Variants in SAFB observed in about 807,000 individuals in gnomAD.
SAFB encodes the protein scaffold attachment factor B.
In SAFB, 15 loss-of-function variants were observed where a neutral mutation model predicts 101.6. The observed-to-expected ratio is 0.15, with a 90% CI of 0.10 to 0.23. SAFB has a LOEUF of 0.23. Among genes scored for constraint, SAFB ranks in the 10% least tolerant of loss-of-function variants. SAFB has a pLI of 1.00. For missense variants in SAFB, 930 were observed against 1,104.1 expected, an observed-to-expected ratio of 0.84 and a Z score of 2.23; for synonymous variants, 449 against 407.5, an observed-to-expected ratio of 1.10 and a Z score of -1.23.
At chr19:5,646,879 C>T (rs768985069) in intron 5 of SAFB, among the ~76,000 whole-genome samples, 2 of 152,212 alleles carry the variant, frequency 1.3e-5, no homozygotes, top group Non-Finnish European at 2.9e-5. Context: ...CACTCATACA[C>T]GGCCTTTGCT....
intron 17 of SAFB, chr19:5,666,148 A>G (rs768578281): frequency 4.6e-5 from 7 of 152,214 alleles, no homozygotes; most frequent in African/African-American, 7.2e-5. Context: ...CAGAGACCAC[A>G]TATGTATTGG....
At position 5,667,503 on chromosome 19, in the gene SAFB, ATG is replaced by A. The variant is rs1172840291; in HGVS notation, c.2557+54_2557+55del. 7.8e-7 allele frequency: 1 copy of A among 1,277,308 alleles called. No homozygotes were observed. The highest frequency in any genetic ancestry group is 1.5e-5 in the African/African-American group (1 of 65,784). 79.1% of individuals were successfully genotyped at this position (1,277,308 alleles called of 1,614,324 possible). Reference sequence around the variant, plus strand: ...GGATGTGCTGGGGAGTGATGGAAAGATGGAGGCCGCGCCTTCTCTCCTTGGGG... The same window carrying A: ...GGATGTGCTGGGGAGTGATGGAAAGAGAGGCCGCGCCTTCTCTCCTTGGGG... On this transcript the variant is annotated intron_variant, in intron 19 of 20. Coordinates refer to ENST00000588852, the MANE Select transcript of SAFB (RefSeq NM_001201338.2). The surrounding 1 kb of genome is among the most constrained non-coding windows in gnomAD (Gnocchi z 4.0).
At chr19:5,659,137 G>A (rs1187507661) in intron 14 of SAFB, among the ~76,000 whole-genome samples, 3 of 148,208 alleles carry the variant, frequency 2.0e-5, no homozygotes, top group Non-Finnish European at 3.0e-5. Context: ...GCGAGACTCC[G>A]TCTCAAAAAA....
chr19:5,648,220 A>G (rs567800328), intron 6 of SAFB, 177 bp downstream of exon 6: 1 of 586,450 alleles, frequency 1.7e-6, no homozygotes, highest in East Asian at 2.9e-5. Flanking sequence ...CCATATCACC[A>G]GATCTGTGAA....
At chr19:5,636,134 C>T (rs1210775176) in intron 2 of SAFB, among the ~76,000 whole-genome samples, 1 of 151,982 alleles carries the variant, frequency 6.6e-6, no homozygotes, top group Non-Finnish European at 1.5e-5. Context: ...TGTACCTGTA[C>T]ATACTGCTTG....
At chr19:5,657,859 A>G (rs2054099663) in intron 14 of SAFB, among the ~76,000 whole-genome samples, 1 of 152,028 alleles carries the variant, frequency 6.6e-6, no homozygotes, top group South Asian at 2.1e-4. Context: ...TCTCTTCCCA[A>G]AGATTGTAGA....
chr19:5,652,181 A>G (rs2053954206), intron 9 of SAFB, among the ~76,000 whole-genome samples: 1 of 151,262 alleles, frequency 6.6e-6, no homozygotes, highest in Non-Finnish European at 1.5e-5. Flanking sequence ...ACAGAGCAAG[A>G]CTCCATCTTA....
chr19:5,640,872 A>G (rs1210378132), intron 2 of SAFB, among the ~76,000 whole-genome samples: 4 of 151,448 alleles, frequency 2.6e-5, no homozygotes, highest in African/African-American at 9.7e-5. Flanking sequence ...CTTAACAGGC[A>G]TGAGCCACCG....
intron 5 of SAFB, among the ~76,000 whole-genome samples, chr19:5,646,429 G>A (rs1020027520): frequency 1.3e-5 from 2 of 152,126 alleles, no homozygotes; most frequent in Non-Finnish European, 2.9e-5. Context: ...AGGAGGAGCC[G>A]GATCTTGTCA....
In SAFB at chr19:5,653,107, C is replaced by G. The variant is rs1170161293; in HGVS notation, c.1294-8C>G. 6.2e-7 allele frequency: 1 copy of G among 1,613,318 alleles called. No homozygotes were observed. The highest frequency in any genetic ancestry group is 8.5e-7 in the Non-Finnish European group (1 of 1,180,028). On this transcript the variant is annotated splice_polypyrimidine_tract_variant and splice_region_variant and intron_variant, in intron 9 of 20. Transcript: ENST00000588852. ...TGTCTGAGTCATATTTGCCTGCTTTCCTTTGAGGTGGTGGGCGCCAAGGTT... is the reference window on the plus strand; with the variant it reads ...TGTCTGAGTCATATTTGCCTGCTTTGCTTTGAGGTGGTGGGCGCCAAGGTT...
intron 13 of SAFB, among the ~76,000 whole-genome samples, chr19:5,655,399 G>A (rs565668848): frequency 3.4e-5 from 5 of 148,526 alleles, no homozygotes; most frequent in African/African-American, 1.2e-4. Context: ...GGTCAAGACT[G>A]TAGTGAGCCA....
rs1176516810 is a variant in SAFB at position 5,667,859 on chromosome 19, A to G, written c.2597A>G (p.His866Arg). 2 of 1,611,030 alleles carry G rather than the reference A, an allele frequency of 1.2e-6. No individual in the cohort carries two copies. Among genetic ancestry groups the G allele is most frequent in the Non-Finnish European group, 1.7e-6 (2 of 1,178,626 alleles). The stretch of plus-strand genomic sequence containing the variant: ...ATGTCCGGTCACTCCGGGCCTGGCC[A>G]CATGATGAACCGAGGAGGAATGTCA... ...RSMSGHSGPG[H>R]MMNRGGMSGR... The change falls in exon 20 of 21, where the codon CAC becomes CGC. Residue 866 changes from histidine (H) to arginine (R), a missense_variant. Physicochemically the swap from His to Arg is conservative, Grantham distance 29. Coordinates refer to ENST00000588852, the MANE Select transcript of SAFB (RefSeq NM_001201338.2). The surrounding 1 kb of genome is among the most constrained non-coding windows in gnomAD (Gnocchi z 4.0).
chr19:5,642,117 T>C (rs2053729543), intron 4 of SAFB, 171 bp downstream of exon 4: 10 of 692,720 alleles, frequency 1.4e-5, no homozygotes, highest in South Asian at 1.3e-4. Context: ...TGAAAGGTGA[T>C]GTCTTATAAC....
At position 5,668,265 on chromosome 19, in the gene SAFB, G is replaced by C; in HGVS notation, c.2728G>C (p.Asp910His). Residue 910 changes from aspartate (D) to histidine (H), a missense_variant, in exon 21 of 21, where the codon GAT (aspartate) becomes CAT (histidine). Coordinates refer to ENST00000588852, the MANE Select transcript of SAFB (RefSeq NM_001201338.2). ...GGQSRGSRPSDARFTRRY is the reference protein window; with the variant it reads ...GGQSRGSRPSHARFTRRY ...CCAGAGCCGGGGGAGCAGGCCCAGC[G>C]ATGCCCGCTTCACTCGCCGCTACTG... is the stretch of plus-strand genomic sequence containing the variant. 6.2e-7 allele frequency: 1 copy of C among 1,612,004 alleles called. No homozygotes were observed. The highest frequency in any genetic ancestry group is 8.5e-7 in the Non-Finnish European group (1 of 1,179,580).
At chr19:5,627,756 A>T (rs1396435939) in intron 2 of SAFB, among the ~76,000 whole-genome samples, 2 of 152,124 alleles carry the variant, frequency 1.3e-5, no homozygotes, top group African/African-American at 4.8e-5. Flanking sequence ...TCAAAAGACA[A>T]CTGATCCATC....
intron 4 of SAFB, among the ~76,000 whole-genome samples, chr19:5,642,989 A>G (rs190683568): frequency 2.3e-3 from 346 of 152,122 alleles, no homozygotes; most frequent in Middle Eastern, 0.02. Context: ...TTCTTCTAAT[A>G]GCAACATGAG....
chr19:5,649,450 C>T lies in SAFB; in HGVS notation c.1099C>T (p.Pro367Ser), dbSNP rs1466664568. ...FDFDACNEVPPAPKESSTSEG... is the reference protein window; with the variant it reads ...FDFDACNEVPSAPKESSTSEG... ...TTTTGACGCTTGTAATGAAGTCCCTCCGGCTCCTAAAGAGTCCTCAACCAG... is the reference window on the plus strand; with the variant it reads ...TTTTGACGCTTGTAATGAAGTCCCTTCGGCTCCTAAAGAGTCCTCAACCAG... Residue 367 changes from proline to serine, a missense_variant, in exon 7 of 21, where the codon CCG becomes TCG. By Grantham distance (74) the Pro-to-Ser change is moderately conservative. Around this residue, in one of 7 missense-constraint regions of SAFB, gnomAD observed 130 missense variants for 114.2 expected, o/e 1.14. Coordinates refer to ENST00000588852, the MANE Select transcript of SAFB (RefSeq NM_001201338.2). 2.0e-6 allele frequency: 1 copy of T among 499,148 alleles called. No individual in the cohort carries two copies. The highest frequency in any genetic ancestry group is 5.2e-5 in the Admixed American group (1 of 19,330). The allele number at this position is 499,148 out of a possible 1,614,324, so 30.9% of individuals were successfully genotyped here.
intron 2 of SAFB, among the ~76,000 whole-genome samples, chr19:5,632,926 T>C (rs1221943727): frequency 6.6e-6 from 1 of 152,202 alleles, no homozygotes; most frequent in East Asian, 1.9e-4. Context: ...GAGTATACTA[T>C]CCAGAGGCAC....
At chr19:5,632,297 G>C (rs1188366291) in intron 2 of SAFB, among the ~76,000 whole-genome samples, 1 of 152,154 alleles carries the variant, frequency 6.6e-6, no homozygotes, top group Non-Finnish European at 1.5e-5. Context: ...CCTTTACCCA[G>C]AGTCCCCAAA....
Sources: allele counts gnomAD v4.1 joint callset (sites outside exome capture counted in the v4.1 genomes callset), GRCh38; gene constraint gnomAD v4.1.1; regional missense constraint gnomAD v4.1.1; non-coding constraint Gnocchi (gnomAD v3.1); transcripts MANE v1.5; gene names NCBI Gene and HGNC (gene_info 2026-07-23, HGNC 2026-07-21).